SAR1A: variants seen among roughly 807,000 people sequenced by gnomAD.
SAR1A encodes the protein small COPII coat GTPase SAR1A.
In SAR1A, 6 loss-of-function variants were observed where a neutral mutation model predicts 22.6. The observed-to-expected ratio is 0.27, with a 90% CI of 0.15 to 0.52. SAR1A has a LOEUF of 0.52. Ranked by LOEUF, SAR1A falls within the 20% of genes least tolerant of loss-of-function variation. The pLI is 0.96. For synonymous variants in SAR1A, 70 were observed against 82.2 expected (o/e 0.85, Z 0.80); for missense variants, 145 against 245.1 (o/e 0.59, Z 2.73).
chr10:70,158,771 G>A (rs201453327), intron 4 of SAR1A, among the ~76,000 whole-genome samples: 3,657 of 91,992 alleles, frequency 0.04, 99 homozygotes, highest in East Asian at 0.18. Context: ...AAAAAAAAAA[G>A]GAAACCTCCA....
chr10:70,150,645 G>A lies in SAR1A; in HGVS notation c.*1831C>T, dbSNP rs1839314788. On this transcript the variant is annotated 3_prime_UTR_variant, in exon 7 of 7. Transcript: ENST00000373241. ...GAAGTATGGGGGACCTTTAACCAAAGGAAATTAAAAATATGCAAGTTATAT... is the reference window on the plus strand; with the variant it reads ...GAAGTATGGGGGACCTTTAACCAAAAGAAATTAAAAATATGCAAGTTATAT... 1 of 152,142 alleles carries A rather than the reference G, an allele frequency of 6.6e-6. No homozygotes were observed. The highest frequency in any genetic ancestry group is 2.4e-5 in the African/African-American group (1 of 41,414). The allele number at this position is 152,142 out of a possible 1,614,324, so 9.4% of individuals were successfully genotyped here.
intron 5 of SAR1A, 141 bp downstream of exon 5, chr10:70,157,623 C>A: frequency 1.7e-6 from 1 of 581,066 alleles, no homozygotes; most frequent in Non-Finnish European, 3.0e-6. Flanking sequence ...AAACATTTTC[C>A]TCCTGCAACT....
intron 4 of SAR1A, among the ~76,000 whole-genome samples, chr10:70,158,408 A>T (rs1297001413): frequency 6.6e-6 from 1 of 152,212 alleles, no homozygotes; most frequent in African/African-American, 2.4e-5. Context: ...GCCCTTAGGG[A>T]GACTAGGCCT....
intron 4 of SAR1A, 99 bp from the exon 5 acceptor site, chr10:70,157,966 A>G (rs552807024): frequency 2.5e-4 from 195 of 777,650 alleles, no homozygotes; most frequent in Non-Finnish European, 3.7e-4. Flanking sequence ...GTCGGGTTTC[A>G]GTAAGATTAG....
intron 4 of SAR1A, among the ~76,000 whole-genome samples, chr10:70,158,425 T>C (rs894562270): frequency 1.9e-4 from 29 of 152,190 alleles, no homozygotes; most frequent in African/African-American, 7.0e-4. Context: ...GCCTGACAAG[T>C]GGTTCAAGGC....
At chr10:70,162,408 AGGGAAAGGGAAAG>A (rs1360196652) in intron 1 of SAR1A, among the ~76,000 whole-genome samples, 1 of 127,050 alleles carries the variant, frequency 7.9e-6, no homozygotes, top group Non-Finnish European at 1.7e-5. Context: ...GGAAAGGGAA[AGGGAAAGGGAAAG>A]GGAAAGGAAA....
chr10:70,164,039 TGAA>T, intron 1 of SAR1A: 1 of 813,912 alleles, frequency 1.2e-6, no homozygotes, highest in East Asian at 2.4e-5. Flanking sequence ...AGTTAACAGA[TGAA>T]GAAGTTGATT....
intron 5 of SAR1A, chr10:70,155,052 A>G: frequency 1.9e-6 from 1 of 516,260 alleles, no homozygotes; most frequent in Non-Finnish European, 4.0e-6. Context: ...ATAGACATGC[A>G]GCGACAAAGT....
rs1361082786 is a variant in SAR1A at position 70,153,775 on chromosome 10, GA to G, written c.480+62del. On this transcript the variant is annotated intron_variant, in intron 6 of 6. Transcript: ENST00000373241. ...AAAAGAAAAGGGTAATCTAGATAGCGAAACATCATGTTTTAAAAACTGTTAA... is the reference window on the plus strand; with the variant it reads ...AAAAGAAAAGGGTAATCTAGATAGCGAACATCATGTTTTAAAAACTGTTAA... 26 of 1,370,780 alleles carry G rather than the reference GA, an allele frequency of 1.9e-5. No homozygotes were observed. The East Asian group carries it at 6.6e-4, about 35-fold the overall frequency. The allele number at this position is 1,370,780 out of a possible 1,614,324, so 84.9% of individuals were successfully genotyped here. A position where few individuals can be genotyped will look rare whatever the true frequency, so the allele number is the denominator to read the frequency against.
intron 1 of SAR1A, among the ~76,000 whole-genome samples, chr10:70,169,828 T>G (rs1330499183): frequency 2.6e-5 from 4 of 152,026 alleles, no homozygotes; most frequent in African/African-American, 9.7e-5. Context: ...CCATGTCAAA[T>G]GCACATAAGG....
At chr10:70,169,784 A>G (rs1252644008) in intron 1 of SAR1A, among the ~76,000 whole-genome samples, 2 of 152,210 alleles carry the variant, frequency 1.3e-5, no homozygotes, top group Non-Finnish European at 2.9e-5. Context: ...GATGCTCCTG[A>G]CCCACTGGCT....
intron 5 of SAR1A, among the ~76,000 whole-genome samples, chr10:70,154,614 C>G (rs750290751): frequency 1.3e-5 from 2 of 152,008 alleles, no homozygotes; most frequent in Non-Finnish European, 2.9e-5. Flanking sequence ...TGTGCTACCA[C>G]GCCTGGCTAA....
intron 1 of SAR1A, among the ~76,000 whole-genome samples, chr10:70,165,081 C>T (rs111270140): frequency 0.035 from 5,338 of 151,752 alleles, 115 homozygotes; most frequent in East Asian, 0.058. Flanking sequence ...CCGGCTAAAA[C>T]GGTGAAACCC....
At chr10:70,169,572 A>C (rs1839598054) in intron 1 of SAR1A, among the ~76,000 whole-genome samples, 2 of 152,256 alleles carry the variant, frequency 1.3e-5, no homozygotes, top group South Asian at 4.1e-4. Context: ...TCTGACCATT[A>C]GCCAATTTAA....
chr10:70,160,768 C>T (rs1454159883), intron 4 of SAR1A, among the ~76,000 whole-genome samples: 1 of 152,046 alleles, frequency 6.6e-6, no homozygotes, highest in Non-Finnish European at 1.5e-5. Context: ...AACTTTATCC[C>T]AGCTCAATAG....
chr10:70,152,467 G>A lies in SAR1A; in HGVS notation c.*9C>T, dbSNP rs201098455. On this transcript the variant is annotated 3_prime_UTR_variant, in exon 7 of 7. Coordinates refer to ENST00000373241, the MANE Select transcript of SAR1A (RefSeq NM_020150.5). ...GAAGTAAAACTCTTTTATTTTCACC[G>A]TCCAAACATCAGTCAATATACTGGG... 59 of 1,585,864 alleles carry A rather than the reference G, an allele frequency of 3.7e-5. 1 individual carries two copies. Among genetic ancestry groups the A allele is most frequent in the Middle Eastern group, 1.7e-4 (1 of 6,018 alleles).
rs1461431564 is a variant in SAR1A, at chr10:70,148,444, G to A, written c.*4032C>T. 1.3e-5 allele frequency: 2 copies of A among 152,134 alleles called. No individual in the cohort carries two copies. Among genetic ancestry groups the A allele is most frequent in the Non-Finnish European group, 2.9e-5 (2 of 68,038 alleles). The allele number at this position is 152,134 out of a possible 1,614,324, so 9.4% of individuals were successfully genotyped here. A position where few individuals can be genotyped will look rare whatever the true frequency, so the allele number is the denominator to read the frequency against. ...TTCTTTTGGTTCTATGACACAGAAG[G>A]TGGCTTGATCACAGCACAATTTCTT... is the stretch of plus-strand genomic sequence containing the variant. On this transcript the variant is annotated 3_prime_UTR_variant, in exon 7 of 7. Coordinates refer to ENST00000373241, the MANE Select transcript of SAR1A (RefSeq NM_020150.5).
chr10:70,163,917 GAC>G (rs1839509883), intron 1 of SAR1A: 3 of 1,599,448 alleles, frequency 1.9e-6, no homozygotes, highest in African/African-American at 1.3e-5. Context: ...AAAAATGAAA[GAC>G]ACAGACAGTG....
At position 70,150,619 on chromosome 10, in the gene SAR1A, A is replaced by G. The variant is rs1839314570; in HGVS notation, c.*1857T>C. 1 of 152,254 alleles carries G rather than the reference A, an allele frequency of 6.6e-6. No homozygotes were observed. The highest frequency in any genetic ancestry group is 2.1e-4 in the South Asian group (1 of 4,830). 9.4% of individuals were successfully genotyped at this position (152,254 alleles called of 1,614,324 possible). On this transcript the variant is annotated 3_prime_UTR_variant, in exon 7 of 7. Transcript: ENST00000373241. Reference sequence around the variant, plus strand: ...TCATACTTCTCATGTCTCCGAACAGAGAAGTATGGGGGACCTTTAACCAAA... The same window carrying G: ...TCATACTTCTCATGTCTCCGAACAGGGAAGTATGGGGGACCTTTAACCAAA...
Sources: allele counts gnomAD v4.1 joint callset (sites outside exome capture counted in the v4.1 genomes callset), GRCh38; gene constraint gnomAD v4.1.1; transcripts MANE v1.5; gene names NCBI Gene and HGNC (gene_info 2026-07-23, HGNC 2026-07-21).